Variants in SDK1 observed in about 807,000 individuals in gnomAD.
SDK1 encodes the protein protein sidekick-1.
SDK1 carries 157 observed loss-of-function variants against 245.5 expected under a neutral mutation model. That is an observed-to-expected ratio of 0.64 (90% CI 0.56 to 0.73). The LOEUF (loss-of-function observed/expected upper bound fraction) is 0.73, where lower values mean the gene tolerates loss of function less well. Ranked by LOEUF, SDK1 falls within the 30% of genes least tolerant of loss-of-function variation. The pLI, the probability that SDK1 is intolerant of heterozygous loss-of-function variation, is 0.00. For synonymous variants in SDK1, 1,647 were observed against 1,278.5 expected (o/e 1.29, Z -6.15); for missense variants, 3,583 against 3,002.3 (o/e 1.19, Z -4.52).
chr7:3,358,049 T>C (rs1193558911), intron 1 of SDK1, among the ~76,000 whole-genome samples: 1 of 151,670 alleles, frequency 6.6e-6, no homozygotes, highest in Admixed American at 6.6e-5. Context: ...ATGGACAGAG[T>C]CTTACTCTGT....
At chr7:3,794,074 T>C (rs1017212907) in intron 4 of SDK1, among the ~76,000 whole-genome samples, 2 of 152,194 alleles carry the variant, frequency 1.3e-5, no homozygotes, top group East Asian at 1.9e-4. Context: ...CTTTATACAA[T>C]TGAATGCACT....
chr7:3,335,110 T>G (rs1359845033), intron 1 of SDK1, among the ~76,000 whole-genome samples: 2 of 152,220 alleles, frequency 1.3e-5, no homozygotes, highest in African/African-American at 4.8e-5. Context: ...CCATCATCAC[T>G]AATAAGCCTT....
intron 4 of SDK1, among the ~76,000 whole-genome samples, chr7:3,733,611 A>G (rs79689856): frequency 0.01 from 1,590 of 152,276 alleles, 25 homozygotes; most frequent in African/African-American, 0.037. Flanking sequence ...CGCGAGTTCC[A>G]AAAGCTATGT....
At chr7:3,455,753 A>G (rs55884406) in intron 1 of SDK1, among the ~76,000 whole-genome samples, 1 of 152,112 alleles carries the variant, frequency 6.6e-6, no homozygotes, top group Non-Finnish European at 1.5e-5. Context: ...TGTTTTAGCT[A>G]TTCTAGGTTC....
At chr7:3,597,601 A>C (rs2128637623) in intron 1 of SDK1, among the ~76,000 whole-genome samples, 1 of 152,200 alleles carries the variant, frequency 6.6e-6, no homozygotes, top group East Asian at 1.9e-4. Context: ...CTCTGTTTTG[A>C]GATTGATCTG....
At chr7:4,142,519 G>A (rs529210657) in intron 28 of SDK1, among the ~76,000 whole-genome samples, 1 of 152,242 alleles carries the variant, frequency 6.6e-6, no homozygotes, top group South Asian at 2.1e-4. Context: ...AGTAGAGACA[G>A]GGTTTCACCA....
chr7:3,486,873 C>A (rs1294465577), intron 1 of SDK1, among the ~76,000 whole-genome samples: 1 of 152,114 alleles, frequency 6.6e-6, no homozygotes, highest in Admixed American at 6.5e-5. Context: ...CTCTCTGCCT[C>A]TCTTAACTGT....
At chr7:3,576,942 A>G (rs1478233084) in intron 1 of SDK1, among the ~76,000 whole-genome samples, 1 of 152,014 alleles carries the variant, frequency 6.6e-6, no homozygotes, top group Non-Finnish European at 1.5e-5. Flanking sequence ...ACCTGAAGAA[A>G]TAGTAGACTT....
At chr7:3,329,089 G>A (rs762095573) in intron 1 of SDK1, among the ~76,000 whole-genome samples, 2 of 152,180 alleles carry the variant, frequency 1.3e-5, no homozygotes, top group African/African-American at 2.4e-5. Flanking sequence ...AAGTAGGTAC[G>A]TCTTTAAATG....
chr7:3,733,221 T>C lies in SDK1; in HGVS notation c.714-88229T>C, dbSNP rs188096892. On this transcript the variant is annotated intron_variant, in intron 4 of 44. Coordinates refer to ENST00000404826, the MANE Select transcript of SDK1 (RefSeq NM_152744.4). The stretch of plus-strand genomic sequence containing the variant: ...TAATTTATTACCTTATGTCCTTAAA[T>C]AGGTCCCTTGAACCAAATTTAGTAT... 2.0e-5 allele frequency among the ~76,000 whole-genome samples: 3 copies of C among 152,206 alleles called. No homozygotes were observed. In the East Asian group the frequency reaches 5.8e-4, roughly 29 times the overall value.
intron 1 of SDK1, among the ~76,000 whole-genome samples, chr7:3,415,992 C>A (rs1435628478): frequency 6.6e-6 from 1 of 152,112 alleles, no homozygotes; most frequent in African/African-American, 2.4e-5. Context: ...CTTGCAATTA[C>A]CAGAGCAGTT....
chr7:4,016,619 A>G (rs969418180), intron 16 of SDK1, among the ~76,000 whole-genome samples: 2 of 152,214 alleles, frequency 1.3e-5, no homozygotes, highest in Non-Finnish European at 2.9e-5. Flanking sequence ...GAGGTCTTCT[A>G]CAAAGCAATT....
intron 1 of SDK1, among the ~76,000 whole-genome samples, chr7:3,365,267 T>C (rs2128561692): frequency 6.6e-6 from 1 of 152,236 alleles, no homozygotes; most frequent in East Asian, 1.9e-4. Flanking sequence ...TCATTTTCAG[T>C]TTGAGTGAGT....
intron 1 of SDK1, among the ~76,000 whole-genome samples, chr7:3,344,149 A>G (rs1583712421): frequency 6.6e-6 from 1 of 152,348 alleles, no homozygotes; most frequent in South Asian, 2.1e-4. Flanking sequence ...AGGGGAAAAA[A>G]TCTACAGAAT....
intron 30 of SDK1, among the ~76,000 whole-genome samples, chr7:4,157,982 C>T (rs1328562479): frequency 1.3e-5 from 2 of 152,148 alleles, no homozygotes; most frequent in Non-Finnish European, 1.5e-5. Context: ...TTTTATACTT[C>T]GGATCAGCAC....
chr7:4,182,444 G>A (rs1396140896), intron 35 of SDK1, among the ~76,000 whole-genome samples: 4 of 152,182 alleles, frequency 2.6e-5, no homozygotes, highest in Non-Finnish European at 4.4e-5. Flanking sequence ...TTTGTCATTC[G>A]GGCAAATTGA....
At chr7:3,983,942 G>A (rs1461441038) in intron 13 of SDK1, among the ~76,000 whole-genome samples, 1 of 152,186 alleles carries the variant, frequency 6.6e-6, no homozygotes, top group African/African-American at 2.4e-5. Context: ...AGGTCCTCGG[G>A]CACTGCCAGG....
rs985844683 is a variant in SDK1, at chr7:3,850,847, G to C, written c.847+29264G>C. On this transcript the variant is annotated intron_variant, in intron 5 of 44. Coordinates refer to ENST00000404826, the MANE Select transcript of SDK1 (RefSeq NM_152744.4). ...CACAGGAAGGGGAACATCACACACC[G>C]GGGCCTGTTGTGGGGTAGGGGGAGG... Among the ~76,000 whole-genome samples the C allele has an allele frequency of 2.5e-4, 38 of 150,598 alleles. 1 individual carries two copies. Among genetic ancestry groups the C allele is most frequent in the Non-Finnish European group, 4.7e-4 (32 of 67,674 alleles).
chr7:3,406,322 G>T (rs1230861763), intron 1 of SDK1, among the ~76,000 whole-genome samples: 1 of 152,152 alleles, frequency 6.6e-6, no homozygotes, highest in Non-Finnish European at 1.5e-5. Context: ...AAGCTTTTCA[G>T]ATAGCCCAGA....
Sources: gnomAD v4.1 joint callset for allele counts (sites outside exome capture counted in the v4.1 genomes callset) on GRCh38, gnomAD v4.1.1 for gene constraint, MANE v1.5 for transcripts, NCBI Gene and HGNC (gene_info 2026-07-23, HGNC 2026-07-21) for gene names.